ANO2: variants seen among roughly 807,000 people sequenced by gnomAD.
ANO2 encodes anoctamin-2.
ANO2 carries 101 observed loss-of-function variants against 124.2 expected under a neutral mutation model. That is an observed-to-expected ratio of 0.81 (90% confidence interval 0.69 to 0.96). The LOEUF is 0.96. Ranked by LOEUF, ANO2 falls within the 40% of genes least tolerant of loss-of-function variation. The pLI is 0.00. For synonymous variants in ANO2, 486 were observed against 482.5 expected (o/e 1.01, Z -0.09); for missense variants, 1,293 against 1,274.5 (o/e 1.01, Z -0.22).
intron 16 of ANO2, among the ~76,000 whole-genome samples, chr12:5,618,541 T>C (rs1396112130): frequency 6.6e-6 from 1 of 152,180 alleles, no homozygotes; most frequent in Non-Finnish European, 1.5e-5. Context: ...AGCAGATAAG[T>C]GACAGGTGTA....
rs1490593052 is a variant in ANO2, at chr12:5,917,558, C to CTTTTTTTTTTTTTT, written c.534+3481_534+3482insAAAAAAAAAAAAAA. Among the ~76,000 whole-genome samples the CTTTTTTTTTTTTTT allele has an allele frequency of 1.9e-5, 2 of 104,410 alleles. 1 individual carries two copies. 68.5% of individuals were successfully genotyped at this position (104,410 alleles called of 152,430 possible). ...AAGAAAGTACTGTTATTATTATTCTCTTTTTTCTTTTTTTTTTTTTTTTTT... is the reference window on the plus strand; with the variant it reads ...AAGAAAGTACTGTTATTATTATTCTCTTTTTTTTTTTTTTTTTTTTCTTTTTTTTTTTTTTTTTT... On this transcript the variant is annotated intron_variant, in intron 3 of 24. Transcript: ENST00000682330.
chr12:5,677,843 A>T (rs1343045089), intron 14 of ANO2, among the ~76,000 whole-genome samples: 1 of 152,206 alleles, frequency 6.6e-6, no homozygotes, highest in Non-Finnish European at 1.5e-5. Context: ...CACTTCCAGC[A>T]TGGGGGCAAT....
At chr12:5,661,351 T>C (rs1299143522) in intron 14 of ANO2, among the ~76,000 whole-genome samples, 4 of 152,206 alleles carry the variant, frequency 2.6e-5, no homozygotes, top group Non-Finnish European at 5.9e-5. Context: ...AAATCTCCTC[T>C]TATTCTTATT....
chr12:5,714,995 G>A (rs1949964668), intron 14 of ANO2, among the ~76,000 whole-genome samples: 1 of 152,106 alleles, frequency 6.6e-6, no homozygotes, highest in Non-Finnish European at 1.5e-5. Context: ...ACTGTCAAAT[G>A]AAGAATGGTA....
rs570127170 is a variant in ANO2 at position 5,771,504 on chromosome 12, G to A, written c.1056-20534C>T. On this transcript the variant is annotated intron_variant, in intron 10 of 24. Coordinates refer to ENST00000682330, the MANE Select transcript of ANO2 (RefSeq NM_001364791.2). ...CATCTAAAACAGAATTCTCGGCTGG[G>A]CGCCGTGGCTTATGCCTGTAATCCC... Among the ~76,000 whole-genome samples, 291 of 127,330 alleles carry A rather than the reference G, an allele frequency of 2.3e-3. 2 individuals are homozygous for A. Among genetic ancestry groups the A allele is most frequent in the Non-Finnish European group, 3.2e-3 (185 of 57,804 alleles). The allele number at this position is 127,330 out of a possible 152,430, so 83.5% of individuals were successfully genotyped here.
intron 5 of ANO2, 57 bp from the exon 6 acceptor site, chr12:5,830,546 C>A: frequency 1.3e-6 from 2 of 1,504,492 alleles, no homozygotes; most frequent in East Asian, 4.7e-5. Flanking sequence ...GCCCTGAGAC[C>A]ACTGCCACCC....
intron 2 of ANO2, 102 bp downstream of exon 2, chr12:5,922,518 A>G: frequency 7.7e-7 from 1 of 1,296,052 alleles, no homozygotes; most frequent in Non-Finnish European, 1.0e-6. Flanking sequence ...TCTTTCACGC[A>G]CACATGTGCT....
At chr12:5,717,645 G>C (rs1486703043) in intron 14 of ANO2, among the ~76,000 whole-genome samples, 3 of 152,164 alleles carry the variant, frequency 2.0e-5, no homozygotes, top group African/African-American at 7.2e-5. Flanking sequence ...TATTTTCAGT[G>C]TGTATTTCAC....
At chr12:5,886,796 G>T (rs760027896) in intron 3 of ANO2, among the ~76,000 whole-genome samples, 4 of 152,054 alleles carry the variant, frequency 2.6e-5, no homozygotes, top group African/African-American at 4.8e-5. Flanking sequence ...CTACAACATG[G>T]ATACACTTTG....
intron 1 of ANO2, among the ~76,000 whole-genome samples, chr12:5,939,033 A>G (rs1022773370): frequency 6.6e-6 from 1 of 151,434 alleles, no homozygotes; most frequent in East Asian, 2.0e-4. Context: ...CCTGGCCAAG[A>G]GAGTAAAACC....
Position 5,658,400 on chromosome 12 carries a change from G to A in ANO2, c.1546-10599C>T, listed in dbSNP as rs894985339. Among the ~76,000 whole-genome samples the A allele has an allele frequency of 2.6e-5, 4 of 151,782 alleles. No individual in the cohort carries two copies. Among genetic ancestry groups the A allele is most frequent in the Admixed American group, 6.6e-5 (1 of 15,234 alleles). On this transcript the variant is annotated intron_variant, in intron 14 of 24. Transcript: ENST00000682330. The surrounding 1 kb of genome is among the most constrained non-coding windows in gnomAD (Gnocchi z 4.3). ...CATCATCATCAACAACATCATCATC[G>A]TCATTGTTATCATCATCATAACCAT...
intron 1 of ANO2, among the ~76,000 whole-genome samples, chr12:5,942,305 C>T (rs989568062): frequency 6.6e-6 from 1 of 152,128 alleles, no homozygotes; most frequent in Non-Finnish European, 1.5e-5. Context: ...AAGAATAAGG[C>T]AAAAACGTTC....
chr12:5,885,921 A>T (rs1938861278), intron 3 of ANO2, among the ~76,000 whole-genome samples: 1 of 152,134 alleles, frequency 6.6e-6, no homozygotes, highest in Admixed American at 6.5e-5. Context: ...CTTCCTGGAG[A>T]TCTGCACCAC....
chr12:5,801,461 T>C (rs965428095), intron 9 of ANO2, among the ~76,000 whole-genome samples: 2 of 152,238 alleles, frequency 1.3e-5, no homozygotes, highest in African/African-American at 4.8e-5. Flanking sequence ...CGAGGAAATC[T>C]GTCAAGGAGA....
rs571415323 is a variant in ANO2, at chr12:5,721,799, C to T, written c.1545+10721G>A. 6.6e-5 allele frequency among the ~76,000 whole-genome samples: 10 copies of T among 152,306 alleles called. No homozygotes were observed. The East Asian group carries it at 7.7e-4, about 12-fold the overall frequency. On this transcript the variant is annotated intron_variant, in intron 14 of 24. Coordinates refer to ENST00000682330, the MANE Select transcript of ANO2 (RefSeq NM_001364791.2). ...CTGGGATTACAGGCGTGAGCCACTG[C>T]GCCCAACTTAGGAAGTTCGTTATGC...
At chr12:5,625,193 G>T (rs183744232) in intron 16 of ANO2, among the ~76,000 whole-genome samples, 68 of 151,826 alleles carry the variant, frequency 4.5e-4, no homozygotes, top group African/African-American at 1.4e-3. Flanking sequence ...TGAATGGTGT[G>T]GGGGGGAGTG....
intron 13 of ANO2, among the ~76,000 whole-genome samples, chr12:5,737,628 G>A (rs530524950): frequency 1.2e-4 from 18 of 152,096 alleles, no homozygotes; most frequent in Admixed American, 5.9e-4. Context: ...AACATTCTAC[G>A]GCATTAGCGG....
At chr12:5,771,625 C>CA (rs1952085089) in intron 10 of ANO2, among the ~76,000 whole-genome samples, 1 of 151,954 alleles carries the variant, frequency 6.6e-6, no homozygotes, top group South Asian at 2.1e-4. Context: ...ACTAAAAATA[C>CA]AAAAATTAGC....
chr12:5,780,515 C>T (rs998161272), intron 10 of ANO2, among the ~76,000 whole-genome samples: 3 of 152,190 alleles, frequency 2.0e-5, no homozygotes, highest in African/African-American at 7.2e-5. Flanking sequence ...CAGAAGAAAA[C>T]AGAGAAACTT....
Sources: gnomAD v4.1 joint callset for allele counts (sites outside exome capture counted in the v4.1 genomes callset) on GRCh38, gnomAD v4.1.1 for gene constraint, Gnocchi (gnomAD v3.1) non-coding constraint, MANE v1.5 for transcripts, NCBI Gene and HGNC (gene_info 2026-07-23, HGNC 2026-07-21) for gene names.